The following SIRPA variants were observed in gnomAD, a reference collection of about 807,000 sequenced individuals.
The protein encoded by SIRPA is signal regulatory protein alpha, also known as tyrosine-protein phosphatase non-receptor type substrate 1.
Under a neutral mutation model 50.3 loss-of-function variants are expected in SIRPA, and 9 were observed. That is an observed-to-expected ratio of 0.18 (90% confidence interval 0.11 to 0.31). The LOEUF (loss-of-function observed/expected upper bound fraction) is 0.31. Among genes scored for constraint, SIRPA ranks in the 10% least tolerant of loss-of-function variants. The probability of loss-of-function intolerance (pLI) is 1.00; values close to 1 mark genes in which losing one functional copy is unlikely to be tolerated. For synonymous variants in SIRPA, 265 were observed against 284.1 expected, an observed-to-expected ratio of 0.93 and a Z score of 0.68; for missense variants, 474 against 661.6, an observed-to-expected ratio of 0.72 and a Z score of 3.11.
chr20:1,920,520 G>T (rs1985586250), intron 2 of SIRPA, among the ~76,000 whole-genome samples: 1 of 152,196 alleles, frequency 6.6e-6, no homozygotes, highest in Non-Finnish European at 1.5e-5. Context: ...GCTTCTGCCT[G>T]CTTGGGCGCC....
intron 6 of SIRPA, among the ~76,000 whole-genome samples, chr20:1,929,887 T>C (rs1986199523): frequency 6.6e-6 from 1 of 152,138 alleles, no homozygotes; most frequent in African/African-American, 2.4e-5. Context: ...GATGCCCCCC[T>C]GAGGCTCCTG....
intron 1 of SIRPA, among the ~76,000 whole-genome samples, chr20:1,902,833 G>A (rs1341348168): frequency 6.6e-6 from 1 of 152,052 alleles, no homozygotes; most frequent in African/African-American, 2.4e-5. Context: ...CCAACATGGC[G>A]AAATCCCATC....
At chr20:1,904,664 T>A (rs1984440839) in intron 1 of SIRPA, among the ~76,000 whole-genome samples, 1 of 152,210 alleles carries the variant, frequency 6.6e-6, no homozygotes, top group African/African-American at 2.4e-5. Flanking sequence ...GTGATTGTCA[T>A]CGTTTTATGG....
In SIRPA at chr20:1,939,269, T is replaced by A. The variant is rs1986761207; in HGVS notation, c.*1701T>A. The A allele has an allele frequency of 6.6e-6, 1 of 152,210 alleles. No individual in the cohort carries two copies. Among genetic ancestry groups the A allele is most frequent in the Non-Finnish European group, 1.5e-5 (1 of 68,028 alleles). The allele number at this position is 152,210 out of a possible 1,614,324, so 9.4% of individuals were successfully genotyped here. A position where few individuals can be genotyped will look rare whatever the true frequency, so the allele number is the denominator to read the frequency against. The stretch of plus-strand genomic sequence containing the variant: ...GGATTTCTGGCTCAGGCTGTAAAAG[T>A]AGCTGAGCCATCCTGCCCATTCCTG... On this transcript the variant is annotated 3_prime_UTR_variant, in exon 8 of 8. Coordinates refer to ENST00000358771, the MANE Select transcript of SIRPA (RefSeq NM_001040023.2). This position sits in a 1 kb window ranked among gnomAD's most constrained non-coding sequence, Gnocchi z 4.7.
At chr20:1,900,280 A>G (rs575427730) in intron 1 of SIRPA, among the ~76,000 whole-genome samples, 216 of 152,026 alleles carry the variant, frequency 1.4e-3, no homozygotes, top group African/African-American at 4.9e-3. Context: ...TTGTATTTTT[A>G]GTAGAGACAA....
chr20:1,927,940 T>C lies in SIRPA; in HGVS notation c.1226+41T>C, dbSNP rs1360568732. 5 of 1,581,534 alleles carry C rather than the reference T, an allele frequency of 3.2e-6. No individual in the cohort carries two copies. Among genetic ancestry groups the C allele is most frequent in the East Asian group, 2.2e-5 (1 of 44,742 alleles). The stretch of plus-strand genomic sequence containing the variant: ...GTCCAGACCCTCTTGCAGTTATTAT[T>C]TGGTTATTTGACAGCCCCCCAGACT... On this transcript the variant is annotated intron_variant, in intron 6 of 7. Coordinates refer to ENST00000358771, the MANE Select transcript of SIRPA (RefSeq NM_001040023.2). The surrounding 1 kb of genome is among the most constrained non-coding windows in gnomAD (Gnocchi z 6.5).
rs1986107004 is a variant in SIRPA, at chr20:1,928,227, C to T, written c.1226+328C>T. Among the ~76,000 whole-genome samples, 1 of 152,174 alleles carries T rather than the reference C, an allele frequency of 6.6e-6. No homozygotes were observed. Among genetic ancestry groups the T allele is most frequent in the African/African-American group, 2.4e-5 (1 of 41,416 alleles). ...ATCCTGCACACGCCACCGGATGCAT[C>T]CTCCCAGATCCAAGTTGTATACTTT... On this transcript the variant is annotated intron_variant, in intron 6 of 7. Coordinates refer to ENST00000358771, the MANE Select transcript of SIRPA (RefSeq NM_001040023.2). The surrounding 1 kb of genome is among the most constrained non-coding windows in gnomAD (Gnocchi z 4.9).
intron 1 of SIRPA, among the ~76,000 whole-genome samples, chr20:1,895,858 T>C (rs1228590302): frequency 6.6e-6 from 1 of 152,202 alleles, no homozygotes; most frequent in Non-Finnish European, 1.5e-5. Context: ...GACAGTGGCT[T>C]TCAGAGCAGG....
At chr20:1,910,377 C>T (rs1600409254) in intron 1 of SIRPA, among the ~76,000 whole-genome samples, 1 of 152,188 alleles carries the variant, frequency 6.6e-6, no homozygotes, top group East Asian at 1.9e-4. Context: ...AATAAATGTT[C>T]ACTGCAAAAA....
At chr20:1,895,307 A>G, upstream of SIRPA, 2 of 464,970 alleles carry the variant, frequency 4.3e-6, no homozygotes, top group Non-Finnish European at 6.7e-6. Context: ...CGGCCGCTCC[A>G]GGCGCCCGTT....
At chr20:1,908,582 C>T (rs894871561) in intron 1 of SIRPA, among the ~76,000 whole-genome samples, 3 of 152,320 alleles carry the variant, frequency 2.0e-5, no homozygotes, top group African/African-American at 7.2e-5. Flanking sequence ...CTCTTTCACA[C>T]TCCTCCTTGT....
intron 1 of SIRPA, among the ~76,000 whole-genome samples, chr20:1,901,531 G>T (rs866991773): frequency 6.6e-6 from 1 of 152,100 alleles, no homozygotes; most frequent in African/African-American, 2.4e-5. Flanking sequence ...TGTCCCCAAG[G>T]TGTGTCCCTG....
Position 1,937,443 on chromosome 20 carries a change from T to A in SIRPA, c.1390T>A (p.Ser464Thr). Residue 464 changes from serine (S) to threonine (T), a missense_variant, in exon 8 of 8, where the codon TCG becomes ACG. Ser to Thr is a moderately conservative substitution (Grantham distance 58, BLOSUM62 1). Around this residue, in one of 4 missense-constraint regions of SIRPA, gnomAD observed 180 missense variants for 206.7 expected, o/e 0.87. Coordinates refer to ENST00000358771, the MANE Select transcript of SIRPA (RefSeq NM_001040023.2). The surrounding 1 kb of genome is among the most constrained non-coding windows in gnomAD (Gnocchi z 8.3). ...CATTCAGACCAGCCCGCAGCCCGCG[T>A]CGGAGGACACCCTCACCTATGCTGA... The part of the protein sequence containing the change: ...ASIQTSPQPA[S>T]EDTLTYADLD... 1 of 1,613,950 alleles carries A rather than the reference T, an allele frequency of 6.2e-7. No individual in the cohort carries two copies. The highest frequency in any genetic ancestry group is 8.5e-7 in the Non-Finnish European group (1 of 1,179,986).
chr20:1,903,292 C>G (rs1467458479), intron 1 of SIRPA, among the ~76,000 whole-genome samples: 2 of 152,154 alleles, frequency 1.3e-5, no homozygotes, highest in Non-Finnish European at 2.9e-5. Context: ...TATGCATTCT[C>G]TCATTTAATT....
At chr20:1,913,793 G>C (rs1985048494) in intron 1 of SIRPA, among the ~76,000 whole-genome samples, 1 of 152,060 alleles carries the variant, frequency 6.6e-6, no homozygotes, top group Admixed American at 6.5e-5. Flanking sequence ...GCTCTGCCTT[G>C]CTCTGAACTG....
At chr20:1,908,377 T>C (rs936068199) in intron 1 of SIRPA, among the ~76,000 whole-genome samples, 4 of 151,568 alleles carry the variant, frequency 2.6e-5, no homozygotes, top group Admixed American at 2.6e-4. Flanking sequence ...TACACACACA[T>C]ACACACCACA....
rs1408991856 is a variant in SIRPA, at chr20:1,937,971, TCCACCACCTCCACCACCA to T, written c.*412_*429del. ...GGAGAAAATCCCACCTCCCCTGACC[TCCACCACCTCCACCACCA>T]CCACCACCACCACCACCACCACTAC... On this transcript the variant is annotated 3_prime_UTR_variant, in exon 8 of 8. Coordinates refer to ENST00000358771, the MANE Select transcript of SIRPA (RefSeq NM_001040023.2). This position sits in a 1 kb window ranked among gnomAD's most constrained non-coding sequence, Gnocchi z 8.3. The T allele has an allele frequency of 5.7e-6, 1 of 176,310 alleles. No individual in the cohort carries two copies. The highest frequency in any genetic ancestry group is 2.8e-5 in the African/African-American group (1 of 36,314). 10.9% of individuals were successfully genotyped at this position (176,310 alleles called of 1,614,324 possible).
chr20:1,906,708 A>C (rs976139079), intron 1 of SIRPA, among the ~76,000 whole-genome samples: 1 of 152,096 alleles, frequency 6.6e-6, no homozygotes, highest in Non-Finnish European at 1.5e-5. Context: ...CACCTGACTT[A>C]GGTTTTAGAG....
At chr20:1,911,958 A>C (rs961986208) in intron 1 of SIRPA, among the ~76,000 whole-genome samples, 14 of 152,264 alleles carry the variant, frequency 9.2e-5, no homozygotes, top group Admixed American at 6.5e-4. Flanking sequence ...AAAAAAAAAA[A>C]AAACCCCTCT....
Sources: allele counts gnomAD v4.1 joint callset (sites outside exome capture counted in the v4.1 genomes callset), GRCh38; gene constraint gnomAD v4.1.1; regional missense constraint gnomAD v4.1.1; non-coding constraint Gnocchi (gnomAD v3.1); transcripts MANE v1.5; gene names NCBI Gene and HGNC (gene_info 2026-07-23, HGNC 2026-07-21).